Variants in NT5DC1 observed in about 807,000 individuals in gnomAD.
The protein encoded by NT5DC1 is 5'-nucleotidase domain containing 1.
NT5DC1 carries 42 observed loss-of-function variants against 59.4 expected under a neutral mutation model. The ratio of observed to expected loss-of-function variants is 0.71; its 90% CI spans 0.55 to 0.92. The LOEUF is 0.92. NT5DC1 is among the 40% of genes least tolerant of loss of function. The pLI, the probability that NT5DC1 is intolerant of heterozygous loss-of-function variation, is 0.00. For synonymous variants in NT5DC1, 172 were observed against 188.1 expected (o/e 0.91, Z 0.70); for missense variants, 501 against 537.1 (o/e 0.93, Z 0.66).
chr6:116,125,486 G>C (rs779715618), intron 6 of NT5DC1: 1 of 1,613,412 alleles, frequency 6.2e-7, no homozygotes, highest in Non-Finnish European at 8.5e-7. Context: ...GGTATTTGTG[G>C]CAGCATATTC....
intron 6 of NT5DC1, among the ~76,000 whole-genome samples, chr6:116,183,335 T>C (rs962405021): frequency 2.0e-5 from 3 of 152,128 alleles, no homozygotes; most frequent in African/African-American, 7.2e-5. Flanking sequence ...TCTTTTTGCT[T>C]AGTCTTGCTT....
At chr6:116,210,113 T>C (rs1361462363) in intron 6 of NT5DC1, among the ~76,000 whole-genome samples, 1 of 151,616 alleles carries the variant, frequency 6.6e-6, no homozygotes, top group Non-Finnish European at 1.5e-5. Context: ...ATTCTAGATA[T>C]AATTAGAATG....
chr6:116,222,015 A>T (rs999534755), intron 7 of NT5DC1, among the ~76,000 whole-genome samples: 3 of 152,206 alleles, frequency 2.0e-5, no homozygotes, highest in African/African-American at 7.2e-5. Context: ...CCGAATTGCC[A>T]TGAGTATGGA....
chr6:116,120,690 C>T, intron 6 of NT5DC1: 7 of 1,550,130 alleles, frequency 4.5e-6, no homozygotes, highest in Non-Finnish European at 5.2e-6. Flanking sequence ...CCAGCTGGGC[C>T]AGGAGGACCG....
At chr6:116,188,219 A>G (rs971329421) in intron 6 of NT5DC1, among the ~76,000 whole-genome samples, 1 of 152,070 alleles carries the variant, frequency 6.6e-6, no homozygotes, top group African/African-American at 2.4e-5. Flanking sequence ...TGTGAAGCAA[A>G]GAGAACCCTT....
chr6:116,244,149 A>G lies in NT5DC1; in HGVS notation c.*125A>G. 2.1e-6 allele frequency: 1 copy of G among 479,800 alleles called. No individual in the cohort carries two copies. The highest frequency in any genetic ancestry group is 4.1e-5 in the South Asian group (1 of 24,230). 29.7% of individuals were successfully genotyped at this position (479,800 alleles called of 1,614,324 possible). On this transcript the variant is annotated 3_prime_UTR_variant, in exon 12 of 12. Transcript: ENST00000319550. ...TTGACCAATAAGTTGATATTTGTCC[A>G]TAGGTCTCCTTTCTATAAATCATCT...
rs1782161598 is a variant in NT5DC1, at chr6:116,238,316, T to A, written c.1051T>A (p.Ser351Thr). 1 of 1,610,254 alleles carries A rather than the reference T, an allele frequency of 6.2e-7. No individual in the cohort carries two copies. Among genetic ancestry groups the A allele is most frequent in the South Asian group, 1.1e-5 (1 of 90,488 alleles). The part of the protein sequence containing the change: ...EGTRSQRPEE[S>T]EPLEKKGKYE... Reference sequence around the variant, plus strand: ...CACGAGGAGTCAGAGGCCTGAGGAGTCAGAGCCTCTAGAGAAGAAAGGAAA... The same window carrying A: ...CACGAGGAGTCAGAGGCCTGAGGAGACAGAGCCTCTAGAGAAGAAAGGAAA... The change falls in exon 10 of 12, where the codon TCA becomes ACA. Residue 351 changes from serine to threonine, a missense_variant. Transcript: ENST00000319550.
intron 6 of NT5DC1, among the ~76,000 whole-genome samples, chr6:116,181,040 G>T (rs1780861170): frequency 6.6e-6 from 1 of 151,640 alleles, no homozygotes; most frequent in Non-Finnish European, 1.5e-5. Context: ...GGTATTTTGG[G>T]ATGAAATCAT....
At chr6:116,229,933 C>G (rs1311953575) in intron 8 of NT5DC1, among the ~76,000 whole-genome samples, 2 of 152,210 alleles carry the variant, frequency 1.3e-5, no homozygotes, top group Non-Finnish European at 2.9e-5. Flanking sequence ...ACTCAGTGTT[C>G]TGATATCAAG....
intron 8 of NT5DC1, among the ~76,000 whole-genome samples, chr6:116,234,210 T>C (rs1352195640): frequency 6.6e-6 from 1 of 151,974 alleles, no homozygotes; most frequent in Non-Finnish European, 1.5e-5. Flanking sequence ...TCCACCTGCC[T>C]CAGCCTCCCA....
chr6:116,205,939 G>A (rs764207908), intron 6 of NT5DC1, among the ~76,000 whole-genome samples: 4 of 151,848 alleles, frequency 2.6e-5, no homozygotes, highest in Non-Finnish European at 5.9e-5. Context: ...ATTAGGTTTT[G>A]TGGTCCCCAA....
intron 6 of NT5DC1, among the ~76,000 whole-genome samples, chr6:116,171,529 A>C (rs1023555053): frequency 6.6e-6 from 1 of 152,232 alleles, no homozygotes; most frequent in Non-Finnish European, 1.5e-5. Flanking sequence ...TGTTTAAACC[A>C]TATGTCATAT....
chr6:116,200,105 T>C (rs191196787), intron 6 of NT5DC1, among the ~76,000 whole-genome samples: 9 of 152,048 alleles, frequency 5.9e-5, no homozygotes, highest in Admixed American at 5.9e-4. Flanking sequence ...ATACCCTTAA[T>C]ATAACATGAG....
intron 6 of NT5DC1, among the ~76,000 whole-genome samples, chr6:116,219,984 ACAAC>A (rs1447789869): frequency 9.6e-6 from 1 of 104,584 alleles, no homozygotes; most frequent in African/African-American, 5.6e-5. Flanking sequence ...AAAAAAAAAA[ACAAC>A]TCTTCTTCCT....
intron 1 of NT5DC1, among the ~76,000 whole-genome samples, chr6:116,103,424 G>A (rs145044346): frequency 1.1e-3 from 165 of 152,122 alleles, no homozygotes; most frequent in African/African-American, 3.8e-3. Context: ...GAGGTAGTCC[G>A]GCTGTGGATT....
chr6:116,124,722 A>C (rs1018197604), intron 6 of NT5DC1, among the ~76,000 whole-genome samples: 1 of 152,230 alleles, frequency 6.6e-6, no homozygotes, highest in African/African-American at 2.4e-5. Context: ...CTCAGGTCAC[A>C]CAGCTTATGC....
intron 6 of NT5DC1, among the ~76,000 whole-genome samples, chr6:116,162,387 T>A (rs1437112055): frequency 6.6e-6 from 1 of 152,190 alleles, no homozygotes; most frequent in Non-Finnish European, 1.5e-5. Flanking sequence ...AATTTTTCCC[T>A]GTAAGTATGA....
In NT5DC1 at chr6:116,248,576, A is replaced by G. The variant is rs1287454245; in HGVS notation, c.*4552A>G. 2 of 152,276 alleles carry G rather than the reference A, an allele frequency of 1.3e-5. No homozygotes were observed. Among genetic ancestry groups the G allele is most frequent in the African/African-American group, 2.4e-5 (1 of 41,458 alleles). 9.4% of individuals were successfully genotyped at this position (152,276 alleles called of 1,614,324 possible). A position where few individuals can be genotyped will look rare whatever the true frequency, so the allele number is the denominator to read the frequency against. ...GATGAGAAGGTCAGAGAAGCCTTTT[A>G]TAAGTGTCTGGCTTGCACTGAATGC... On this transcript the variant is annotated 3_prime_UTR_variant, in exon 12 of 12. Transcript: ENST00000319550.
At chr6:116,163,776 C>T (rs193069955) in intron 6 of NT5DC1, among the ~76,000 whole-genome samples, 1 of 152,086 alleles carries the variant, frequency 6.6e-6, no homozygotes, top group African/African-American at 2.4e-5. Context: ...CTTAACACTG[C>T]TTTTGCTGTA....
Sources: gnomAD v4.1 joint callset for allele counts (sites outside exome capture counted in the v4.1 genomes callset) on GRCh38, gnomAD v4.1.1 for gene constraint, MANE v1.5 for transcripts, NCBI Gene and HGNC (gene_info 2026-07-23, HGNC 2026-07-21) for gene names.